Variants in AGPAT5 observed in about 807,000 individuals in gnomAD.
AGPAT5 encodes 1-acyl-sn-glycerol-3-phosphate acyltransferase epsilon.
AGPAT5 carries 46 observed loss-of-function variants against 45.6 expected under a neutral mutation model. The observed-to-expected ratio is 1.01, with a 90% confidence interval of 0.80 to 1.29. AGPAT5 has a LOEUF of 1.29. Ranked by LOEUF, AGPAT5 falls within the 50% of genes most tolerant of loss-of-function variation. The pLI is 0.00. For synonymous variants in AGPAT5, 272 were observed against 167.0 expected (o/e 1.63, Z -4.85); for missense variants, 673 against 450.7 (o/e 1.49, Z -4.47).
intron 6 of AGPAT5, among the ~76,000 whole-genome samples, chr8:6,751,505 A>G (rs777035521): frequency 2.0e-5 from 3 of 152,202 alleles, no homozygotes; most frequent in Non-Finnish European, 4.4e-5. Context: ...TGCTACAGGA[A>G]TTCTTGTAGT....
At chr8:6,744,219 C>T (rs1463524337) in intron 5 of AGPAT5, among the ~76,000 whole-genome samples, 2 of 152,158 alleles carry the variant, frequency 1.3e-5, no homozygotes, top group East Asian at 1.9e-4. Flanking sequence ...ATGACCCACA[C>T]ACTTGAACAA....
At chr8:6,728,058 CA>C (rs1266977729) in intron 2 of AGPAT5, among the ~76,000 whole-genome samples, 3 of 152,186 alleles carry the variant, frequency 2.0e-5, no homozygotes, top group African/African-American at 7.2e-5. Context: ...GCTGCACATG[CA>C]GTATCTCTTG....
chr8:6,711,669 T>G (rs1411898694), intron 1 of AGPAT5, among the ~76,000 whole-genome samples: 1 of 152,186 alleles, frequency 6.6e-6, no homozygotes, highest in Admixed American at 6.5e-5. Context: ...GTTCTCGTGA[T>G]TCTGGAGGCC....
chr8:6,744,289 T>G (rs1297774242), intron 5 of AGPAT5, among the ~76,000 whole-genome samples: 1 of 152,186 alleles, frequency 6.6e-6, no homozygotes, highest in Non-Finnish European at 1.5e-5. Flanking sequence ...TGAAGCCAAC[T>G]TCTGAGAAAG....
chr8:6,738,240 C>G (rs1360112561), intron 4 of AGPAT5: 1 of 152,174 alleles, frequency 6.6e-6, no homozygotes, highest in East Asian at 1.9e-4. Context: ...AGACATGCAA[C>G]TCTTCCTTTC....
chr8:6,743,146 C>G (rs1801292849), intron 5 of AGPAT5, among the ~76,000 whole-genome samples: 1 of 152,116 alleles, frequency 6.6e-6, no homozygotes, highest in African/African-American at 2.4e-5. Context: ...CGATTACTTC[C>G]TAGCCTCCTT....
At chr8:6,754,997 T>G in intron 6 of AGPAT5, 54 bp from the exon 7 acceptor site, 1 of 1,407,572 alleles carries the variant, frequency 7.1e-7, no homozygotes, top group South Asian at 1.5e-5. Context: ...TTACTTTATA[T>G]GACCATGAGT....
Position 6,737,294 on chromosome 8 carries a change from T to C in AGPAT5, c.496-4367T>C, listed in dbSNP as rs1024885990. 3.4e-4 allele frequency among the ~76,000 whole-genome samples: 52 copies of C among 152,234 alleles called. 2 individuals carry two copies. The highest frequency in any genetic ancestry group is 2.9e-5 in the Non-Finnish European group (2 of 68,026). ...TGAGAGCGGATACATCTTGCTCAGG[T>C]TCTTATGATTCTTTTGTTTCTGAAG... On this transcript the variant is annotated intron_variant, in intron 4 of 7. Coordinates refer to ENST00000285518, the MANE Select transcript of AGPAT5 (RefSeq NM_018361.5).
intron 4 of AGPAT5, among the ~76,000 whole-genome samples, chr8:6,736,585 G>C (rs540830625): frequency 2.0e-5 from 3 of 152,310 alleles, no homozygotes; most frequent in Admixed American, 6.5e-5. Context: ...TTTGCTGCTG[G>C]CTGTGTTTGG....
intron 1 of AGPAT5, among the ~76,000 whole-genome samples, chr8:6,712,574 T>C (rs1167734097): frequency 2.6e-5 from 4 of 152,164 alleles, no homozygotes; most frequent in African/African-American, 9.7e-5. Flanking sequence ...TATATATCCT[T>C]GAGCTGGAGT....
At chr8:6,720,764 A>G (rs566537005) in intron 1 of AGPAT5, among the ~76,000 whole-genome samples, 10 of 152,312 alleles carry the variant, frequency 6.6e-5, no homozygotes, top group Non-Finnish European at 1.3e-4. Context: ...ATGCAAAATA[A>G]GAGGGCTAGC....
intron 3 of AGPAT5, among the ~76,000 whole-genome samples, chr8:6,731,907 C>T (rs988416354): frequency 1.3e-5 from 2 of 152,196 alleles, no homozygotes; most frequent in African/African-American, 4.8e-5. Context: ...GTTTTTTTCC[C>T]TGTGCCCAAG....
At chr8:6,729,515 T>C (rs377371024) in intron 2 of AGPAT5, among the ~76,000 whole-genome samples, 2 of 152,306 alleles carry the variant, frequency 1.3e-5, no homozygotes, top group African/African-American at 4.8e-5. Flanking sequence ...CCCTTACATT[T>C]CATTTTTATG....
chr8:6,743,748 C>T (rs1364817940), intron 5 of AGPAT5, among the ~76,000 whole-genome samples: 1 of 149,554 alleles, frequency 6.7e-6, no homozygotes, highest in Non-Finnish European at 1.5e-5. Context: ...CCACCTGGAC[C>T]CATTAAAGTA....
At chr8:6,731,563 G>T (rs1456894324) in intron 3 of AGPAT5, among the ~76,000 whole-genome samples, 7 of 151,172 alleles carry the variant, frequency 4.6e-5, no homozygotes, top group African/African-American at 1.5e-4. Flanking sequence ...ACATATTTTT[G>T]ATCTGTGATT....
At chr8:6,717,654 G>C (rs1800373909) in intron 1 of AGPAT5, among the ~76,000 whole-genome samples, 1 of 152,236 alleles carries the variant, frequency 6.6e-6, no homozygotes, top group African/African-American at 2.4e-5. Flanking sequence ...GGTGGGAGCT[G>C]TTGCATATGT....
In AGPAT5 at chr8:6,760,207, C is replaced by T. The variant is rs1801986453; in HGVS notation, c.*2819C>T. 6.6e-6 allele frequency among the ~76,000 whole-genome samples: 1 copy of T among 152,028 alleles called. No individual in the cohort carries two copies. The highest frequency in any genetic ancestry group is 2.1e-4 in the South Asian group (1 of 4,822). On this transcript the variant is annotated 3_prime_UTR_variant, in exon 8 of 8. Coordinates refer to ENST00000285518, the MANE Select transcript of AGPAT5 (RefSeq NM_018361.5). Reference sequence around the variant, plus strand: ...CCAAGTTCAAGACCAGCCTGGGCAACATATCGAGAACCTGTCTACAAAAAA... The same window carrying T: ...CCAAGTTCAAGACCAGCCTGGGCAATATATCGAGAACCTGTCTACAAAAAA...
chr8:6,744,397 G>T (rs1305918488), intron 5 of AGPAT5, among the ~76,000 whole-genome samples: 3 of 152,190 alleles, frequency 2.0e-5, no homozygotes, highest in African/African-American at 7.2e-5. Flanking sequence ...CTCAGGCAGG[G>T]CCACAAACTT....
intron 1 of AGPAT5, among the ~76,000 whole-genome samples, chr8:6,712,804 T>C (rs1008844054): frequency 1.3e-5 from 2 of 152,256 alleles, no homozygotes; most frequent in African/African-American, 4.8e-5. Flanking sequence ...ATCGTTATGA[T>C]AAATAATGAC....
Sources: allele counts gnomAD v4.1 joint callset (sites outside exome capture counted in the v4.1 genomes callset), GRCh38; gene constraint gnomAD v4.1.1; transcripts MANE v1.5; gene names NCBI Gene and HGNC (gene_info 2026-07-23, HGNC 2026-07-21).